ID3: variants seen among roughly 807,000 people sequenced by gnomAD.
The protein encoded by ID3 is inhibitor of DNA binding 3, also known as DNA-binding protein inhibitor ID-3.
A neutral mutation model predicts 9.6 loss-of-function variants in ID3; 4 were observed. The ratio of observed to expected loss-of-function variants is 0.42; its 90% CI spans 0.21 to 0.96. The LOEUF (loss-of-function observed/expected upper bound fraction) is 0.96. Ranked by LOEUF, ID3 falls within the 40% of genes least tolerant of loss-of-function variation. The probability of loss-of-function intolerance (pLI) is 0.30; values close to 1 mark genes in which losing one functional copy is unlikely to be tolerated. For missense variants in ID3, 191 were observed against 164.5 expected, an observed-to-expected ratio of 1.16 and a Z score of -0.88; for synonymous variants, 108 against 75.2, an observed-to-expected ratio of 1.44 and a Z score of -2.26.
chr1:23,559,495 G>A lies in ID3; in HGVS notation c.-69C>T, dbSNP rs1643693952. ...AAAAGAAGTCCCGCTACAGTGACCT[G>A]CAACGCGCGCACGCTCGCCGCGGCG... On this transcript the variant is annotated 5_prime_UTR_variant, in exon 1 of 3. Coordinates refer to ENST00000374561, the MANE Select transcript of ID3 (RefSeq NM_002167.5). 7 of 1,495,956 alleles carry A rather than the reference G, an allele frequency of 4.7e-6. No homozygotes were observed. The Admixed American group carries it at 6.4e-5, about 14-fold the overall frequency. The allele number at this position is 1,495,956 out of a possible 1,614,324, so 92.7% of individuals were successfully genotyped here.
At position 23,559,478 on chromosome 1, in the gene ID3, T is replaced by C. The variant is rs539882895; in HGVS notation, c.-52A>G. The C allele has an allele frequency of 1.2e-5, 19 of 1,567,668 alleles. No homozygotes were observed. Among genetic ancestry groups the C allele is most frequent in the African/African-American group, 2.7e-5 (2 of 73,770 alleles). On this transcript the variant is annotated 5_prime_UTR_variant, in exon 1 of 3. Coordinates refer to ENST00000374561, the MANE Select transcript of ID3 (RefSeq NM_002167.5). ...CAAAGAGAAAGAAAACCAAAAGAAG[T>C]CCCGCTACAGTGACCTGCAACGCGC... is the stretch of plus-strand genomic sequence containing the variant.
At chr1:23,559,069 G>T (rs910785464) in intron 1 of ID3, 50 bp from the exon 2 acceptor site, 2 of 1,612,502 alleles carry the variant, frequency 1.2e-6, no homozygotes, top group South Asian at 2.2e-5. Flanking sequence ...CGGGAGCTCC[G>T]AGGGTCCCGC....
rs763951427 is a variant in ID3, at chr1:23,559,406, C to A, written c.21G>T (p.Val7=). The A allele has an allele frequency of 9.9e-6, 16 of 1,612,232 alleles. No individual in the cohort carries two copies. Among genetic ancestry groups the A allele is most frequent in the Admixed American group, 3.3e-5 (2 of 59,962 alleles). ...AGCACACCGCCTCGTAGCAGCCGCG[C>A]ACCGGGCTCAGCGCCTTCATGCTGG... MKALSP[V]RGCYEAVCCL... is the part of the protein sequence containing the mutation. The change falls in exon 1 of 3, where the codon GTG becomes GTT. Residue 7 remains valine, a synonymous_variant. Coordinates refer to ENST00000374561, the MANE Select transcript of ID3 (RefSeq NM_002167.5).
rs995069934 is a variant in ID3, at chr1:23,558,861, G to A, written c.*25+74C>T. 8 of 978,174 alleles carry A rather than the reference G, an allele frequency of 8.2e-6. No homozygotes were observed. The East Asian group carries it at 1.8e-4, about 22-fold the overall frequency. The allele number at this position is 978,174 out of a possible 1,614,324, so 60.6% of individuals were successfully genotyped here. A position where few individuals can be genotyped will look rare whatever the true frequency, so the allele number is the denominator to read the frequency against. Reference sequence around the variant, plus strand: ...TCAGTTTCCCTAAACCGAGTGAGTGGCAATTTTTCAAAACGTCTGCCAACT... The same window carrying A: ...TCAGTTTCCCTAAACCGAGTGAGTGACAATTTTTCAAAACGTCTGCCAACT... On this transcript the variant is annotated intron_variant, in intron 2 of 2. Transcript: ENST00000374561.
At position 23,559,140 on chromosome 1, in the gene ID3, T is replaced by C; in HGVS notation, c.287A>G (p.His96Arg). The change falls in exon 1 of 3, where the codon CAC (histidine) becomes CGC (arginine). Residue 96 changes from histidine to arginine, a missense_variant. By Grantham distance (29) the His-to-Arg change is conservative. Coordinates refer to ENST00000374561, the MANE Select transcript of ID3 (RefSeq NM_002167.5). ...EPAPGPPDGP[H>R]LPIQTAELTP... is the part of the protein sequence containing the mutation. ...TTCGAGGCTTACCTGGATGGGAAGG[T>C]GGGGGCCATCAGGGGGTCCAGGGGC... 6.2e-7 allele frequency: 1 copy of C among 1,613,912 alleles called. No individual in the cohort carries two copies. Among genetic ancestry groups the C allele is most frequent in the Non-Finnish European group, 8.5e-7 (1 of 1,179,826 alleles).
chr1:23,559,167 G>A lies in ID3; in HGVS notation c.260C>T (p.Pro87Leu). The A allele has an allele frequency of 2.5e-6, 4 of 1,614,214 alleles. No individual in the cohort carries two copies. Among genetic ancestry groups the A allele is most frequent in the Non-Finnish European group, 3.4e-6 (4 of 1,180,036 alleles). ...ILDLQVVLAE[P>L]APGPPDGPHL... ...GGGGCCATCAGGGGGTCCAGGGGCT[G>A]GCTCGGCCAGGACTACCTGCAGGTC... Residue 87 changes from proline to leucine, a missense_variant, in exon 1 of 3, where the codon CCA becomes CTA. Transcript: ENST00000374561.
Position 23,559,150 on chromosome 1 carries a change from CAG to C in ID3, c.275_276del (p.Pro92ArgfsTer70), listed in dbSNP as rs1377172867. On this transcript the variant is annotated frameshift_variant, in exon 1 of 3. Transcript: ENST00000374561. LOFTEE classifies it high-confidence loss of function. Reference sequence around the variant, plus strand: ...ACCTGGATGGGAAGGTGGGGGCCATCAGGGGGTCCAGGGGCTGGCTCGGCCAG... The same window carrying C: ...ACCTGGATGGGAAGGTGGGGGCCATCGGGGTCCAGGGGCTGGCTCGGCCAG... ...VVLAEPAPGP[P>X]DGPHLPIQTA... 1.2e-6 allele frequency: 2 copies of C among 1,614,032 alleles called. No individual in the cohort carries two copies. The highest frequency in any genetic ancestry group is 1.7e-6 in the Non-Finnish European group (2 of 1,180,000).
chr1:23,559,361 C>G lies in ID3; in HGVS notation c.66G>C (p.Leu22=). The change falls in exon 1 of 3, where the codon CTG becomes CTC. Residue 22 remains leucine (L), a synonymous_variant. Transcript: ENST00000374561. ...CCTTCCCTCGGCCCCGGGCGATGGC[C>G]AGACTGCGTTCCGACAGGCAGCACA... is the stretch of plus-strand genomic sequence containing the variant. ...EAVCCLSERS[L]AIARGRGKGP... is the part of the protein sequence containing the mutation. The G allele has an allele frequency of 1.9e-6, 3 of 1,613,316 alleles. No homozygotes were observed. The highest frequency in any genetic ancestry group is 2.5e-6 in the Non-Finnish European group (3 of 1,180,028).
rs1444367785 is a variant in ID3 at position 23,559,305 on chromosome 1, A to G, written c.122T>C (p.Leu41Pro). The part of the protein sequence containing the change: ...GPAAEEPLSL[L>P]DDMNHCYSRL... ...GGAGTAGCAGTGGTTCATGTCGTCC[A>G]GCAAGCTCAGCGGCTCCTCAGCTGC... Residue 41 changes from leucine to proline, a missense_variant, in exon 1 of 3, where the codon CTG becomes CCG. Physicochemically the swap from Leu to Pro is moderately conservative, Grantham distance 98. Transcript: ENST00000374561. 2.5e-6 allele frequency: 4 copies of G among 1,613,962 alleles called. No homozygotes were observed. Among genetic ancestry groups the G allele is most frequent in the Non-Finnish European group, 3.4e-6 (4 of 1,180,042 alleles).
In ID3 at chr1:23,558,921, GAGGAGATACTCACCT is replaced by G. The variant is rs750143806; in HGVS notation, c.*24_*25+13del. 2.4e-5 allele frequency: 38 copies of G among 1,574,824 alleles called. No individual in the cohort carries two copies. The Admixed American group carries it at 5.2e-4, about 22-fold the overall frequency. On this transcript the variant is annotated splice_donor_variant and splice_donor_5th_base_variant and 3_prime_UTR_variant and intron_variant, in exon 2 of 3. Transcript: ENST00000374561. LOFTEE classifies it low-confidence loss of function (3UTR_SPLICE). The stretch of plus-strand genomic sequence containing the variant: ...GCCGTTTAAACCTCCCTCTCCAAGA[GAGGAGATACTCACCT>G]GGAGGTGTCAGGACACGGCCGAGTC...
Position 23,558,937 on chromosome 1 carries a change from G to A in ID3, c.*23C>T, listed in dbSNP as rs190449947. On this transcript the variant is annotated splice_region_variant and 3_prime_UTR_variant, in exon 2 of 3. Coordinates refer to ENST00000374561, the MANE Select transcript of ID3 (RefSeq NM_002167.5). ...TCTCCAAGAGAGGAGATACTCACCT[G>A]GAGGTGTCAGGACACGGCCGAGTCA... 5.8e-4 allele frequency: 926 copies of A among 1,606,314 alleles called. 2 individuals are homozygous for A. The highest frequency in any genetic ancestry group is 7.1e-4 in the Non-Finnish European group (836 of 1,173,438).
At chr1:23,558,669 C>G in intron 2 of ID3, 1 of 450,142 alleles carries the variant, frequency 2.2e-6, no homozygotes, top group Admixed American at 3.5e-5. Flanking sequence ...CAACATGGAA[C>G]AGAAAGACTT....
Position 23,559,340 on chromosome 1 carries a change from C to T in ID3, c.87G>A (p.Gly29=). The T allele has an allele frequency of 6.2e-7, 1 of 1,613,532 alleles. No homozygotes were observed. ...GCGGCTCCTCAGCTGCCGGGCCCTT[C>T]CCTCGGCCCCGGGCGATGGCCAGAC... The part of the protein sequence containing the change: ...ERSLAIARGR[G]KGPAAEEPLS... The change falls in exon 1 of 3, where the codon GGG becomes GGA. Residue 29 remains glycine, a synonymous_variant. Coordinates refer to ENST00000374561, the MANE Select transcript of ID3 (RefSeq NM_002167.5).
At position 23,558,026 on chromosome 1, in the gene ID3, A is replaced by G. The variant is rs527632546; in HGVS notation, c.*415T>C. ...ACAGAAAGTCACCTTCCTGTAAAAAAGGTACAAAACCTATATACTCTATTA... is the reference window on the plus strand; with the variant it reads ...ACAGAAAGTCACCTTCCTGTAAAAAGGGTACAAAACCTATATACTCTATTA... On this transcript the variant is annotated 3_prime_UTR_variant, in exon 3 of 3. Transcript: ENST00000374561. The G allele has an allele frequency of 6.5e-6, 1 of 152,796 alleles. No homozygotes were observed. Among genetic ancestry groups the G allele is most frequent in the African/African-American group, 2.4e-5 (1 of 41,580 alleles). 9.5% of individuals were successfully genotyped at this position (152,796 alleles called of 1,614,324 possible).
chr1:23,559,250 C>A lies in ID3; in HGVS notation c.177G>T (p.Pro59=), dbSNP rs148870313. The change falls in exon 1 of 3, where the codon CCG becomes CCT. Residue 59 remains proline, a synonymous_variant. Coordinates refer to ENST00000374561, the MANE Select transcript of ID3 (RefSeq NM_002167.5). ...SRLRELVPGV[P]RGTQLSQVEI... is the part of the protein sequence containing the mutation. Reference sequence around the variant, plus strand: ...CCACCTGGCTAAGCTGAGTGCCTCTCGGGACTCCGGGTACCAGTTCCCGCA... The same window carrying A: ...CCACCTGGCTAAGCTGAGTGCCTCTAGGGACTCCGGGTACCAGTTCCCGCA... The A allele has an allele frequency of 6.2e-7, 1 of 1,614,180 alleles. No homozygotes were observed. The highest frequency in any genetic ancestry group is 8.5e-7 in the Non-Finnish European group (1 of 1,180,036).
intron 2 of ID3, 199 bp downstream of exon 2, chr1:23,558,736 G>T: frequency 1.7e-6 from 1 of 575,520 alleles, no homozygotes; most frequent in Non-Finnish European, 3.1e-6. Flanking sequence ...CGGGAGGGCA[G>T]GGCCCAGGCG....
chr1:23,558,981 G>C lies in ID3; in HGVS notation c.339C>G (p.Asp113Glu). ...ELTPELVISN[D>E]KRSFCH ...CGAGTCAGTGGCAAAAGCTCCTTTT[G>C]TCGTTGGAGATGACAAGTTCCGGAG... The change falls in exon 2 of 3, where the codon GAC becomes GAG. Residue 113 changes from aspartate to glutamate, a missense_variant. Physicochemically the swap from Asp to Glu is conservative, Grantham distance 45. Transcript: ENST00000374561. The C allele has an allele frequency of 6.2e-7, 1 of 1,614,216 alleles. No homozygotes were observed. Among genetic ancestry groups the C allele is most frequent in the Non-Finnish European group, 8.5e-7 (1 of 1,180,026 alleles).
rs766365654 is a variant in ID3 at position 23,558,270 on chromosome 1, C to T, written c.*171G>A. ...TTCAGGCCACAAGTTCACAGTCCTT[C>T]GCTCCTGAGCACCAGGTTTAGTCTC... On this transcript the variant is annotated 3_prime_UTR_variant, in exon 3 of 3. Transcript: ENST00000374561. The T allele has an allele frequency of 1.3e-5, 2 of 152,554 alleles. No individual in the cohort carries two copies. Among genetic ancestry groups the T allele is most frequent in the South Asian group, 2.1e-4 (1 of 4,842 alleles). 9.5% of individuals were successfully genotyped at this position (152,554 alleles called of 1,614,324 possible).
intron 2 of ID3, 191 bp downstream of exon 2, chr1:23,558,744 G>T (rs1333376131): frequency 1.7e-6 from 1 of 579,582 alleles, no homozygotes; most frequent in African/African-American, 1.9e-5. Context: ...CAGGGCCCAG[G>T]CGCATTTAAG....
Sources: allele counts gnomAD v4.1 joint callset, GRCh38; gene constraint gnomAD v4.1.1; transcripts MANE v1.5; gene names NCBI Gene and HGNC (gene_info 2026-07-23, HGNC 2026-07-21).